Variants in ARHGAP6 observed in about 807,000 individuals in gnomAD.
The protein encoded by ARHGAP6 is rho GTPase-activating protein 6.
ARHGAP6 carries 16 observed loss-of-function variants against 55.7 expected under a neutral mutation model. That is an observed-to-expected ratio of 0.29 (90% CI 0.19 to 0.44). The LOEUF (loss-of-function observed/expected upper bound fraction) is 0.44. Ranked by LOEUF, ARHGAP6 falls within the 20% of genes least tolerant of loss-of-function variation. ARHGAP6 has a pLI of 1.00. For synonymous variants in ARHGAP6, 382 were observed against 360.9 expected, an observed-to-expected ratio of 1.06 and a Z score of -0.66; for missense variants, 698 against 808.9, an observed-to-expected ratio of 0.86 and a Z score of 1.66.
intron 1 of ARHGAP6, among the ~76,000 whole-genome samples, chrX:11,271,642 T>C (rs981967710): frequency 2.7e-5 from 3 of 111,916 alleles, no homozygotes; most frequent in Admixed American, 9.5e-5. Context: ...ACAATGAGCC[T>C]CTCGGTTTTA....
At chrX:11,311,075 C>T (rs2147600435) in intron 1 of ARHGAP6, among the ~76,000 whole-genome samples, 1 of 111,494 alleles carries the variant, frequency 9.0e-6, no homozygotes, top group South Asian at 3.8e-4. Context: ...AAAGGATATA[C>T]TTTTTTGAGC....
intron 1 of ARHGAP6, among the ~76,000 whole-genome samples, chrX:11,426,746 C>T (rs747224883): frequency 1.8e-5 from 2 of 109,651 alleles, no homozygotes; most frequent in African/African-American, 6.7e-5. Flanking sequence ...TCTTTTCTCT[C>T]TCTCAAAGAA....
intron 1 of ARHGAP6, among the ~76,000 whole-genome samples, chrX:11,315,010 G>A (rs1310402688): frequency 1.8e-5 from 2 of 112,128 alleles, no homozygotes; most frequent in Non-Finnish European, 3.8e-5. Flanking sequence ...ATCAATAATC[G>A]TTCTGGTGAA....
At chrX:11,466,899 T>A (rs1357787218) in intron 1 of ARHGAP6, among the ~76,000 whole-genome samples, 1 of 112,018 alleles carries the variant, frequency 8.9e-6, no homozygotes, top group Non-Finnish European at 1.9e-5. Flanking sequence ...CAACTAGGGA[T>A]GTTGGATAAT....
chrX:11,627,179 G>A lies in ARHGAP6; in HGVS notation c.588+37062C>T, dbSNP rs939946534. On this transcript the variant is annotated intron_variant, in intron 1 of 12. Transcript: ENST00000337414. ...ATATAATATTACTTTAGTAAATGGA[G>A]AGATATACCATTTCATGACATGAAG... 9.9e-5 allele frequency among the ~76,000 whole-genome samples: 11 copies of A among 111,562 alleles called. No homozygotes were observed. The East Asian group carries it at 2.8e-3, about 28-fold the overall frequency.
intron 1 of ARHGAP6, among the ~76,000 whole-genome samples, chrX:11,507,983 C>T (rs1344226431): frequency 9.0e-6 from 1 of 111,554 alleles, no homozygotes; most frequent in Non-Finnish European, 1.9e-5. Context: ...AAAACACCCT[C>T]GTGGAACTTG....
At chrX:11,338,236 G>A (rs185897155) in intron 1 of ARHGAP6, among the ~76,000 whole-genome samples, 118 of 111,710 alleles carry the variant, frequency 1.1e-3, no homozygotes, top group African/African-American at 2.9e-3. Context: ...CAAATTCTCC[G>A]AGGGCCATGG....
intron 1 of ARHGAP6, among the ~76,000 whole-genome samples, chrX:11,465,127 T>C (rs1265415013): frequency 3.6e-5 from 4 of 111,546 alleles, no homozygotes; most frequent in Non-Finnish European, 7.6e-5. Flanking sequence ...CCTTCCCTTT[T>C]CTACAGAACT....
chrX:11,237,869 C>T (rs1434209272), intron 2 of ARHGAP6, among the ~76,000 whole-genome samples: 1 of 111,916 alleles, frequency 8.9e-6, no homozygotes, highest in Admixed American at 9.5e-5. Flanking sequence ...ATTTCTCAGC[C>T]TAGGCACTAG....
chrX:11,481,469 C>T (rs1194860233), intron 1 of ARHGAP6, among the ~76,000 whole-genome samples: 2 of 112,411 alleles, frequency 1.8e-5, no homozygotes, highest in Non-Finnish European at 3.8e-5. Flanking sequence ...TGTGGTGCCA[C>T]GGTGAGTGGA....
intron 1 of ARHGAP6, among the ~76,000 whole-genome samples, chrX:11,450,119 G>C (rs1394545125): frequency 1.8e-5 from 2 of 110,971 alleles, no homozygotes; most frequent in Non-Finnish European, 3.8e-5. Context: ...AGAAAAATAA[G>C]AAGTAAGCTG....
intron 1 of ARHGAP6, among the ~76,000 whole-genome samples, chrX:11,449,028 C>T (rs776568790): frequency 8.1e-5 from 9 of 111,117 alleles, no homozygotes; most frequent in Admixed American, 5.8e-4. Context: ...GGTTTCTATA[C>T]TTCTCTGGGG....
rs2050707897 is a variant in ARHGAP6, at chrX:11,504,059, G to GTT, written c.588+160181_588+160182insAA. On this transcript the variant is annotated intron_variant, in intron 1 of 12. Coordinates refer to ENST00000337414, the MANE Select transcript of ARHGAP6 (RefSeq NM_013427.3). ...GGAGTTATGTATCAATTTTTTTTGGGGGGGGGCTACCCAAGAACTGTTTCT... is the reference window on the plus strand; with the variant it reads ...GGAGTTATGTATCAATTTTTTTTGGGTTGGGGGGCTACCCAAGAACTGTTTCT... 2.6e-4 allele frequency among the ~76,000 whole-genome samples: 29 copies of GTT among 109,650 alleles called. 1 individual carries two copies. The highest frequency in any genetic ancestry group is 2.5e-3 in the Admixed American group (26 of 10,212).
intron 10 of ARHGAP6, among the ~76,000 whole-genome samples, chrX:11,155,581 C>T (rs779499487): frequency 5.0e-4 from 56 of 111,594 alleles, no homozygotes; most frequent in African/African-American, 1.6e-3. Flanking sequence ...GTTACAGGTA[C>T]GGGATTACGT....
intron 1 of ARHGAP6, among the ~76,000 whole-genome samples, chrX:11,305,824 G>T (rs145880930): frequency 4.5e-5 from 5 of 111,818 alleles, no homozygotes; most frequent in Non-Finnish European, 9.4e-5. Flanking sequence ...TTTTGATTAA[G>T]AAGTTTTTGT....
intron 1 of ARHGAP6, among the ~76,000 whole-genome samples, chrX:11,394,430 T>C (rs1372746125): frequency 8.9e-6 from 1 of 111,822 alleles, no homozygotes; most frequent in Non-Finnish European, 1.9e-5. Flanking sequence ...ATTGGGATGA[T>C]GGAAATATTC....
chrX:11,294,275 T>G (rs1392932428), intron 1 of ARHGAP6, among the ~76,000 whole-genome samples: 2 of 112,253 alleles, frequency 1.8e-5, no homozygotes, highest in Non-Finnish European at 3.8e-5. Flanking sequence ...AAATCTATCT[T>G]GGCAAATTAA....
intron 1 of ARHGAP6, among the ~76,000 whole-genome samples, chrX:11,326,985 T>A (rs748702813): frequency 9.0e-6 from 1 of 111,463 alleles, no homozygotes; most frequent in African/African-American, 3.2e-5. Flanking sequence ...ACATTAAATC[T>A]AAAAAAAACC....
intron 2 of ARHGAP6, among the ~76,000 whole-genome samples, chrX:11,227,543 C>T (rs1225285943): frequency 9.0e-6 from 1 of 111,206 alleles, no homozygotes; most frequent in East Asian, 2.8e-4. Flanking sequence ...TACTATCTTC[C>T]TAACACTCTC....
Sources: gnomAD v4.1 joint callset for allele counts (sites outside exome capture counted in the v4.1 genomes callset) on GRCh38, gnomAD v4.1.1 for gene constraint, MANE v1.5 for transcripts, NCBI Gene and HGNC (gene_info 2026-07-23, HGNC 2026-07-21) for gene names.